Variants in NTNG2 observed in about 807,000 individuals in gnomAD.
NTNG2 encodes the protein netrin-G2.
A neutral mutation model predicts 47.6 loss-of-function variants in NTNG2; 15 were observed. The observed-to-expected ratio is 0.32, with a 90% CI of 0.21 to 0.49. The LOEUF is 0.49. NTNG2 is among the 20% of genes least tolerant of loss of function. The pLI is 0.99. For missense variants in NTNG2, 578 were observed against 764.6 expected, an observed-to-expected ratio of 0.76 and a Z score of 2.88; for synonymous variants, 307 against 324.6, an observed-to-expected ratio of 0.95 and a Z score of 0.58.
At chr9:132,211,793 G>A (rs1393148935) in intron 3 of NTNG2, among the ~76,000 whole-genome samples, 4 of 152,136 alleles carry the variant, frequency 2.6e-5, no homozygotes, top group Non-Finnish European at 4.4e-5. Flanking sequence ...AGCTATGCAC[G>A]TACACGTCTG....
chr9:132,187,658 C>T (rs1441195761), intron 2 of NTNG2, among the ~76,000 whole-genome samples: 2 of 151,886 alleles, frequency 1.3e-5, no homozygotes, highest in East Asian at 1.9e-4. Flanking sequence ...CCGTCAGGGC[C>T]GCTAGAATTA....
At chr9:132,205,956 G>A (rs1001203617) in intron 3 of NTNG2, among the ~76,000 whole-genome samples, 5 of 152,134 alleles carry the variant, frequency 3.3e-5, no homozygotes, top group Admixed American at 6.5e-5. Flanking sequence ...AAATAGATGG[G>A]TGGGTGGTCT....
rs913885617 is a variant in NTNG2, at chr9:132,221,236, ACATTC to A, written c.858-5610_858-5606del. Reference sequence around the variant, plus strand: ...TAGGAGAAGGGGCAGAGCCTGTAGTACATTCCAGGCAGAGGGAACAGCATGTGCAA... The same window carrying A: ...TAGGAGAAGGGGCAGAGCCTGTAGTACAGGCAGAGGGAACAGCATGTGCAA... On this transcript the variant is annotated intron_variant, in intron 3 of 7. Transcript: ENST00000393229. The surrounding 1 kb of genome is among the most constrained non-coding windows in gnomAD (Gnocchi z 4.2). 2.6e-5 allele frequency among the ~76,000 whole-genome samples: 4 copies of A among 152,182 alleles called. No homozygotes were observed. Among genetic ancestry groups the A allele is most frequent in the African/African-American group, 9.7e-5 (4 of 41,440 alleles).
intron 3 of NTNG2, among the ~76,000 whole-genome samples, chr9:132,214,540 G>C (rs1336384063): frequency 6.6e-6 from 1 of 152,240 alleles, no homozygotes; most frequent in Admixed American, 6.5e-5. Flanking sequence ...GGGCTTACTA[G>C]GGACTCATCC....
chr9:132,209,501 A>G (rs1839424884), intron 3 of NTNG2, among the ~76,000 whole-genome samples: 2 of 152,158 alleles, frequency 1.3e-5, no homozygotes. Flanking sequence ...GACAGGGGGA[A>G]TCTGGCAGGG....
intron 7 of NTNG2, 94 bp from the exon 8 acceptor site, chr9:132,241,782 C>A: frequency 1.1e-6 from 1 of 917,148 alleles, no homozygotes. Context: ...CCAGACGGCG[C>A]CCCCGGGATC....
chr9:132,164,030 C>G (rs1485439846), intron 1 of NTNG2, among the ~76,000 whole-genome samples: 1 of 152,208 alleles, frequency 6.6e-6, no homozygotes, highest in African/African-American at 2.4e-5. Context: ...TCCTCACTCT[C>G]TGCGCTCCTC....
At chr9:132,212,938 AAAGAAGACC>A (rs1335895714) in intron 3 of NTNG2, among the ~76,000 whole-genome samples, 4 of 151,844 alleles carry the variant, frequency 2.6e-5, no homozygotes, top group Non-Finnish European at 4.4e-5. Flanking sequence ...CCAACCCCCC[AAAGAAGACC>A]AAGATCCCCA....
intron 5 of NTNG2, among the ~76,000 whole-genome samples, chr9:132,235,423 G>A (rs1224627294): frequency 6.6e-6 from 1 of 152,162 alleles, no homozygotes; most frequent in Non-Finnish European, 1.5e-5. Context: ...CTCATCTATC[G>A]GGCTTTAAGT....
intron 3 of NTNG2, among the ~76,000 whole-genome samples, chr9:132,211,909 G>A (rs1839618408): frequency 1.3e-5 from 2 of 152,176 alleles, no homozygotes; most frequent in Admixed American, 1.3e-4. Flanking sequence ...CTGTATATGT[G>A]TGGAATTCAT....
At position 132,236,596 on chromosome 9, in the gene NTNG2, T is replaced by A. The variant is rs1403038070; in HGVS notation, c.1055-2508T>A. Among the ~76,000 whole-genome samples, 1 of 152,004 alleles carries A rather than the reference T, an allele frequency of 6.6e-6. No individual in the cohort carries two copies. Among genetic ancestry groups the A allele is most frequent in the Non-Finnish European group, 1.5e-5 (1 of 67,978 alleles). Reference sequence around the variant, plus strand: ...GCAGGAAGCTCTGGCGCTGGAAGCATGTTTAGAGAGGGTCTGAGGCTCGGT... The same window carrying A: ...GCAGGAAGCTCTGGCGCTGGAAGCAAGTTTAGAGAGGGTCTGAGGCTCGGT... On this transcript the variant is annotated intron_variant, in intron 5 of 7. Coordinates refer to ENST00000393229, the MANE Select transcript of NTNG2 (RefSeq NM_032536.4). The surrounding 1 kb of genome is among the most constrained non-coding windows in gnomAD (Gnocchi z 4.3).
chr9:132,231,712 CA>C lies in NTNG2; in HGVS notation c.1054+1118del. 1 of 227,682 alleles carries C rather than the reference CA, an allele frequency of 4.4e-6. No homozygotes were observed. Among genetic ancestry groups the C allele is most frequent in the Admixed American group, 5.3e-5 (1 of 18,746 alleles). 14.1% of individuals were successfully genotyped at this position (227,682 alleles called of 1,614,324 possible). On this transcript the variant is annotated intron_variant, in intron 5 of 7. Transcript: ENST00000393229. The surrounding 1 kb of genome is among the most constrained non-coding windows in gnomAD (Gnocchi z 4.1). ...GCCACTGCGGCCACCACAGCCATGA[CA>C]GGGGCCCCTACTACTCCTGTCCCCT...
In NTNG2 at chr9:132,203,482, A is replaced by G. The variant is rs1049350585; in HGVS notation, c.857+4873A>G. ...ATGGAGACAGCAGGCGCCTCACAAG[A>G]CAGTGGACCAAACATTCCAGATCTT... is the stretch of plus-strand genomic sequence containing the variant. On this transcript the variant is annotated intron_variant, in intron 3 of 7. Coordinates refer to ENST00000393229, the MANE Select transcript of NTNG2 (RefSeq NM_032536.4). 2.6e-5 allele frequency among the ~76,000 whole-genome samples: 4 copies of G among 152,346 alleles called. No homozygotes were observed. In the South Asian group the frequency reaches 8.3e-4, roughly 32 times the overall value.
chr9:132,182,145 T>C lies in NTNG2; in HGVS notation c.213+15101T>C, dbSNP rs997319872. ...CTAATCCAGTTACTTGATAATTCACTTATTTCATGTCTATTTGGCAGCGAG... is the reference window on the plus strand; with the variant it reads ...CTAATCCAGTTACTTGATAATTCACCTATTTCATGTCTATTTGGCAGCGAG... On this transcript the variant is annotated intron_variant, in intron 2 of 7. Transcript: ENST00000393229. This position sits in a 1 kb window ranked among gnomAD's most constrained non-coding sequence, Gnocchi z 4.2. Among the ~76,000 whole-genome samples, 7 of 152,252 alleles carry C rather than the reference T, an allele frequency of 4.6e-5. No individual in the cohort carries two copies. The highest frequency in any genetic ancestry group is 5.9e-5 in the Non-Finnish European group (4 of 68,048).
intron 3 of NTNG2, among the ~76,000 whole-genome samples, chr9:132,219,585 A>AG (rs1170619111): frequency 6.8e-6 from 1 of 146,730 alleles, no homozygotes; most frequent in Non-Finnish European, 1.5e-5. Context: ...AAAAAAAAAA[A>AG]AAAGAAAGAA....
In NTNG2 at chr9:132,166,467, C is replaced by T; in HGVS notation, c.-365C>T. On this transcript the variant is annotated 5_prime_UTR_variant, in exon 2 of 8. Coordinates refer to ENST00000393229, the MANE Select transcript of NTNG2 (RefSeq NM_032536.4). ...ATCTGATCCAGCCTCATGCAGGATC[C>T]CTGCGGATTTTCTCCTTATCCCATT... is the stretch of plus-strand genomic sequence containing the variant. 3.3e-6 allele frequency: 1 copy of T among 307,312 alleles called. No individual in the cohort carries two copies. Among genetic ancestry groups the T allele is most frequent in the Non-Finnish European group, 6.3e-6 (1 of 157,732 alleles). The allele number at this position is 307,312 out of a possible 1,614,324, so 19.0% of individuals were successfully genotyped here.
At chr9:132,230,535 C>T (rs767196156) in intron 4 of NTNG2, 37 bp from the exon 5 acceptor site, 2 of 1,588,686 alleles carry the variant, frequency 1.3e-6, no homozygotes, top group Non-Finnish European at 1.7e-6. Context: ...GCCCCTTCCC[C>T]TGGGGCAGCC....
chr9:132,224,829 C>A (rs1234819025), intron 3 of NTNG2, among the ~76,000 whole-genome samples: 4 of 152,242 alleles, frequency 2.6e-5, no homozygotes, highest in Non-Finnish European at 5.9e-5. Context: ...TCTCACCCGA[C>A]TGCAGTTACC....
At chr9:132,189,068 C>CTTTCTTTTTTTTTTTTTT (rs1837640741) in intron 2 of NTNG2, among the ~76,000 whole-genome samples, 2 of 93,232 alleles carry the variant, frequency 2.1e-5, no homozygotes, top group South Asian at 3.5e-4. Context: ...TTAAGCCTTT[C>CTTTCTTTTTTTTTTTTTT]TTTTTTTTTT....
Sources: allele counts gnomAD v4.1 joint callset (sites outside exome capture counted in the v4.1 genomes callset), GRCh38; gene constraint gnomAD v4.1.1; non-coding constraint Gnocchi (gnomAD v3.1); transcripts MANE v1.5; gene names NCBI Gene and HGNC (gene_info 2026-07-23, HGNC 2026-07-21).